The following FUBP1 variants were observed in gnomAD, a reference collection of about 807,000 sequenced individuals.
FUBP1 encodes far upstream element-binding protein 1.
Under a neutral mutation model 94.9 loss-of-function variants are expected in FUBP1, and 16 were observed. The observed-to-expected ratio is 0.17, with a 90% CI of 0.11 to 0.26. The LOEUF (loss-of-function observed/expected upper bound fraction) is 0.26. Among genes scored for constraint, FUBP1 ranks in the 10% least tolerant of loss-of-function variants. The pLI is 1.00. For synonymous variants in FUBP1, 279 were observed against 254.9 expected (o/e 1.09, Z -0.90); for missense variants, 583 against 808.6 (o/e 0.72, Z 3.38).
At chr1:77,959,838 G>A (rs778463289) in intron 16 of FUBP1, among the ~76,000 whole-genome samples, 2 of 152,208 alleles carry the variant, frequency 1.3e-5, no homozygotes, top group Non-Finnish European at 2.9e-5. Flanking sequence ...TTCTAAATAA[G>A]TAAAAACTAT....
chr1:77,974,199 G>C (rs1658157371), intron 1 of FUBP1, among the ~76,000 whole-genome samples: 1 of 149,214 alleles, frequency 6.7e-6, no homozygotes. Flanking sequence ...GCAGTGGCGC[G>C]ATCTCGGTTC....
chr1:77,953,407 C>T (rs1653874546), intron 18 of FUBP1, among the ~76,000 whole-genome samples: 1 of 152,132 alleles, frequency 6.6e-6, no homozygotes, highest in Non-Finnish European at 1.5e-5. Flanking sequence ...CGGAGAATCG[C>T]TTGAACCTGG....
chr1:77,947,827 A>T lies in FUBP1; in HGVS notation c.*939T>A, dbSNP rs1558012476. ...CGTTTCCATACCCCATTTATGTTTC[A>T]ATGGCAGATGCAATGTAGCTATACT... On this transcript the variant is annotated 3_prime_UTR_variant, in exon 20 of 20. Coordinates refer to ENST00000370768, the MANE Select transcript of FUBP1 (RefSeq NM_003902.5). 1.5e-5 allele frequency: 17 copies of T among 1,118,824 alleles called. No homozygotes were observed. Among genetic ancestry groups the T allele is most frequent in the Non-Finnish European group, 1.9e-5 (17 of 887,532 alleles). The allele number at this position is 1,118,824 out of a possible 1,614,324, so 69.3% of individuals were successfully genotyped here.
intron 1 of FUBP1, among the ~76,000 whole-genome samples, chr1:77,971,681 A>T (rs17387351): frequency 0.043 from 6,509 of 151,688 alleles, 240 homozygotes; most frequent in Admixed American, 0.13. Flanking sequence ...GATTATTAGG[A>T]TCAAGTACTA....
At chr1:77,962,733 G>C (rs1239173988) in intron 14 of FUBP1, 37 bp downstream of exon 14, 3 of 1,422,104 alleles carry the variant, frequency 2.1e-6, no homozygotes, top group African/African-American at 2.8e-5. Context: ...CAGTCTAAGG[G>C]TCTACACTAA....
chr1:77,972,195 C>A (rs947068744), intron 1 of FUBP1, among the ~76,000 whole-genome samples: 4 of 152,092 alleles, frequency 2.6e-5, no homozygotes, highest in Middle Eastern at 3.4e-3. Flanking sequence ...TTGAATTGTT[C>A]CTCAGGAAAG....
At chr1:77,970,519 A>T (rs1365477698) in intron 1 of FUBP1, among the ~76,000 whole-genome samples, 2 of 152,184 alleles carry the variant, frequency 1.3e-5, no homozygotes, top group Admixed American at 1.3e-4. Context: ...ATCATCTTAA[A>T]TTTTTATATT....
Position 77,964,920 on chromosome 1 carries a change from T to C in FUBP1, c.685A>G (p.Thr229Ala), listed in dbSNP as rs1378923119. 1 of 1,612,864 alleles carries C rather than the reference T, an allele frequency of 6.2e-7. No homozygotes were observed. The highest frequency in any genetic ancestry group is 8.5e-7 in the Non-Finnish European group (1 of 1,178,946). Residue 229 changes from threonine (T) to alanine (A), a missense_variant, in exon 9 of 20, where the codon ACT (threonine) becomes GCT (alanine). Transcript: ENST00000370768. ...ATCCTAAGAGGTTTGTCAGCACCAG[T>C]GTTCTGCGGCCCGTCTTGAATCATA... ...MVMIQDGPQN[T>A]GADKPLRITG...
At chr1:77,963,973 G>C in intron 12 of FUBP1, 89 bp downstream of exon 12, 1 of 834,236 alleles carries the variant, frequency 1.2e-6, no homozygotes, top group Non-Finnish European at 2.1e-6. Flanking sequence ...TCATCAAGCA[G>C]ACTCTGATAT....
chr1:77,968,673 A>G (rs1388840499), intron 2 of FUBP1, among the ~76,000 whole-genome samples: 2 of 151,834 alleles, frequency 1.3e-5, no homozygotes, highest in African/African-American at 2.4e-5. Context: ...ACCCCCCACA[A>G]CATTACAAGG....
chr1:77,955,727 T>C (rs1233385843), intron 17 of FUBP1, among the ~76,000 whole-genome samples: 1 of 152,082 alleles, frequency 6.6e-6, no homozygotes, highest in Non-Finnish European at 1.5e-5. Flanking sequence ...TCGATGTTTA[T>C]GTGTTTTTTG....
At position 77,947,683 on chromosome 1, in the gene FUBP1, T is replaced by TA. The variant is rs1571203086; in HGVS notation, c.*1082dup. The TA allele has an allele frequency of 5.4e-5, 33 of 607,348 alleles. No individual in the cohort carries two copies. In the East Asian group the frequency reaches 1.3e-3, roughly 25 times the overall value. 37.6% of individuals were successfully genotyped at this position (607,348 alleles called of 1,614,324 possible). ...AATATCAGAACTTCAGCATGAGTGT[T>TA]AAAGAGTAATAAAATGACTTCAAGT... On this transcript the variant is annotated 3_prime_UTR_variant, in exon 20 of 20. Coordinates refer to ENST00000370768, the MANE Select transcript of FUBP1 (RefSeq NM_003902.5).
At chr1:77,972,351 A>T (rs1657721854) in intron 1 of FUBP1, among the ~76,000 whole-genome samples, 1 of 152,188 alleles carries the variant, frequency 6.6e-6, no homozygotes, top group South Asian at 2.1e-4. Flanking sequence ...ATGAGTTTGC[A>T]AAGCAGCACT....
chr1:77,951,636 A>T (rs971174166), intron 18 of FUBP1, among the ~76,000 whole-genome samples: 1 of 152,206 alleles, frequency 6.6e-6, no homozygotes, highest in Non-Finnish European at 1.5e-5. Context: ...TTACTGTTTG[A>T]TGCCAGATAG....
intron 10 of FUBP1, 29 bp downstream of exon 10, chr1:77,964,617 A>C (rs995504259): frequency 3.3e-5 from 39 of 1,188,544 alleles, no homozygotes; most frequent in Non-Finnish European, 4.4e-5. Context: ...TTAGCATACA[A>C]CCATTTCTGA....
rs752277583 is a variant in FUBP1, at chr1:77,955,381, AT to A, written c.1706-53del. 2.7e-6 allele frequency: 3 copies of A among 1,116,388 alleles called. No individual in the cohort carries two copies. In the East Asian group the frequency reaches 7.1e-5, roughly 26 times the overall value. The allele number at this position is 1,116,388 out of a possible 1,614,324, so 69.2% of individuals were successfully genotyped here. A position where few individuals can be genotyped will look rare whatever the true frequency, so the allele number is the denominator to read the frequency against. On this transcript the variant is annotated intron_variant, in intron 17 of 19. Transcript: ENST00000370768. ...ACAGAATTAAAGTTTTTAAAAGGCA[AT>A]TTTGGCCGTTTCCTTGGGTGCAGGA...
chr1:77,969,300 A>T (rs765098220), intron 2 of FUBP1, among the ~76,000 whole-genome samples: 1 of 152,158 alleles, frequency 6.6e-6, no homozygotes, highest in Admixed American at 6.5e-5. Context: ...CAAAACTCAT[A>T]TATCAAACCT....
chr1:77,953,258 G>A (rs1653844033), intron 18 of FUBP1, among the ~76,000 whole-genome samples: 2 of 152,082 alleles, frequency 1.3e-5, no homozygotes, highest in Non-Finnish European at 2.9e-5. Context: ...GGAAGGCTGA[G>A]GCAGGTGGAT....
Position 77,962,840 on chromosome 1 carries a change from T to C in FUBP1, c.1274A>G (p.Lys425Arg), listed in dbSNP as rs2102375213. ...NPPPNADPNM[K>R]LFTIRGTPQQ... ...TGGAGTGCCACGAATTGTAAATAAC[T>C]TCATATTAGGATCTGCATTTGGTGG... Residue 425 changes from lysine (K) to arginine (R), a missense_variant, in exon 14 of 20, where the codon AAG becomes AGG. By Grantham distance (26) the Lys-to-Arg change is conservative. Coordinates refer to ENST00000370768, the MANE Select transcript of FUBP1 (RefSeq NM_003902.5). 1 of 1,611,710 alleles carries C rather than the reference T, an allele frequency of 6.2e-7. No individual in the cohort carries two copies. The highest frequency in any genetic ancestry group is 1.1e-5 in the South Asian group (1 of 91,020).
Sources: gnomAD v4.1 joint callset for allele counts (sites outside exome capture counted in the v4.1 genomes callset) on GRCh38, gnomAD v4.1.1 for gene constraint, MANE v1.5 for transcripts, NCBI Gene and HGNC (gene_info 2026-07-23, HGNC 2026-07-21) for gene names.